STAU2: variants seen among roughly 807,000 people sequenced by gnomAD.
The protein encoded by STAU2 is double-stranded RNA-binding protein Staufen homolog 2.
Under a neutral mutation model 65.9 loss-of-function variants are expected in STAU2, and 20 were observed. That is an observed-to-expected ratio of 0.30 (90% confidence interval 0.21 to 0.44). The LOEUF is 0.44. Ranked by LOEUF, STAU2 falls within the 20% of genes least tolerant of loss-of-function variation. The probability of loss-of-function intolerance (pLI) is 1.00; values close to 1 mark genes in which losing one functional copy is unlikely to be tolerated. For synonymous variants in STAU2, 232 were observed against 233.9 expected (o/e 0.99, Z 0.07); for missense variants, 558 against 683.9 (o/e 0.82, Z 2.05).
intron 4 of STAU2, among the ~76,000 whole-genome samples, chr8:73,689,102 T>A (rs1819146340): frequency 6.6e-6 from 1 of 152,200 alleles, no homozygotes; most frequent in African/African-American, 2.4e-5. Flanking sequence ...AATGTTAATG[T>A]CATTCAAATG....
intron 6 of STAU2, among the ~76,000 whole-genome samples, chr8:73,634,597 G>T (rs1224683317): frequency 2.0e-5 from 3 of 152,168 alleles, no homozygotes; most frequent in African/African-American, 7.2e-5. Flanking sequence ...TCTTTACAAT[G>T]GCCTACAAGG....
chr8:73,492,214 A>T (rs1392456663), intron 13 of STAU2, among the ~76,000 whole-genome samples: 10 of 151,928 alleles, frequency 6.6e-5, no homozygotes, highest in Admixed American at 6.6e-4. Flanking sequence ...TATGCCATAC[A>T]AGCTACTATT....
intron 11 of STAU2, 79 bp downstream of exon 11, chr8:73,595,087 A>G (rs1212068879): frequency 1.9e-5 from 24 of 1,242,232 alleles, no homozygotes; most frequent in Non-Finnish European, 2.5e-5. Context: ...ATTTACTTTA[A>G]TATCAGTTAA....
chr8:73,632,937 G>A lies in STAU2; in HGVS notation c.411-15486C>T, dbSNP rs77241918. 7.1e-4 allele frequency among the ~76,000 whole-genome samples: 108 copies of A among 152,254 alleles called. 1 individual carries two copies. The East Asian group carries it at 0.02, about 28-fold the overall frequency. The stretch of plus-strand genomic sequence containing the variant: ...TAGACCTCATAGTTCCTCAACAAAG[G>A]GAAAAGTTTAGAGTAAATGATACGC... On this transcript the variant is annotated intron_variant, in intron 6 of 14. Coordinates refer to ENST00000524300, the MANE Select transcript of STAU2 (RefSeq NM_001164380.2).
chr8:73,713,156 A>G (rs1470998788), intron 3 of STAU2, among the ~76,000 whole-genome samples: 5 of 152,214 alleles, frequency 3.3e-5, no homozygotes, highest in African/African-American at 4.8e-5. Context: ...GATAAGAAAC[A>G]CTGGTAAAAT....
intron 6 of STAU2, among the ~76,000 whole-genome samples, chr8:73,644,952 C>T (rs1586181897): frequency 6.6e-6 from 1 of 152,058 alleles, no homozygotes; most frequent in African/African-American, 2.4e-5. Context: ...TTTAAAACTC[C>T]TAAAAAAGAA....
intron 12 of STAU2, among the ~76,000 whole-genome samples, chr8:73,580,956 T>C (rs1809934971): frequency 6.6e-6 from 1 of 152,244 alleles, no homozygotes; most frequent in Admixed American, 6.5e-5. Context: ...AACCGTCTGG[T>C]TAAGATTTAA....
intron 13 of STAU2, among the ~76,000 whole-genome samples, chr8:73,549,401 T>C (rs1336204067): frequency 1.3e-5 from 2 of 152,172 alleles, no homozygotes; most frequent in East Asian, 1.9e-4. Flanking sequence ...CTGCTGAGAA[T>C]GTGTAAGTGT....
At chr8:73,444,254 A>C (rs576917561) in intron 13 of STAU2, among the ~76,000 whole-genome samples, 1 of 152,142 alleles carries the variant, frequency 6.6e-6, no homozygotes, top group South Asian at 2.1e-4. Context: ...TAAAAATACA[A>C]AATTAGCCAG....
At chr8:73,483,986 T>A (rs371569462) in intron 13 of STAU2, among the ~76,000 whole-genome samples, 14 of 152,268 alleles carry the variant, frequency 9.2e-5, no homozygotes, top group African/African-American at 3.4e-4. Context: ...GAAGGGAGCA[T>A]TTTCACGAGG....
intron 12 of STAU2, among the ~76,000 whole-genome samples, chr8:73,580,829 T>C (rs1042499098): frequency 2.0e-5 from 3 of 152,180 alleles, no homozygotes; most frequent in Non-Finnish European, 2.9e-5. Flanking sequence ...CCAGTGTTCA[T>C]TCAAAGAACT....
At chr8:73,475,625 T>C (rs1187884925) in intron 13 of STAU2, among the ~76,000 whole-genome samples, 6 of 152,332 alleles carry the variant, frequency 3.9e-5, no homozygotes, top group Non-Finnish European at 8.8e-5. Context: ...ATTGAATTTA[T>C]TTAAGTCAAC....
intron 11 of STAU2, among the ~76,000 whole-genome samples, chr8:73,586,480 G>T (rs1377394321): frequency 1.3e-5 from 2 of 152,012 alleles, no homozygotes; most frequent in African/African-American, 2.4e-5. Flanking sequence ...ATAGTTGAGG[G>T]TGAAATCCAT....
intron 12 of STAU2, among the ~76,000 whole-genome samples, chr8:73,570,180 C>T (rs1354516033): frequency 6.6e-6 from 1 of 152,142 alleles, no homozygotes; most frequent in East Asian, 1.9e-4. Flanking sequence ...GCACAAGCTT[C>T]AGTACTGATT....
At chr8:73,637,921 G>T (rs1005863288) in intron 6 of STAU2, among the ~76,000 whole-genome samples, 1 of 151,910 alleles carries the variant, frequency 6.6e-6, no homozygotes, top group African/African-American at 2.4e-5. Flanking sequence ...CTATATGGTT[G>T]CAGGGTTTCT....
intron 11 of STAU2, among the ~76,000 whole-genome samples, chr8:73,591,279 G>T (rs531705864): frequency 2.0e-5 from 3 of 151,938 alleles, no homozygotes; most frequent in African/African-American, 7.2e-5. Flanking sequence ...TAACCTATGT[G>T]ACCACAATAG....
At chr8:73,709,623 T>C (rs1404960425) in intron 3 of STAU2, among the ~76,000 whole-genome samples, 1 of 152,022 alleles carries the variant, frequency 6.6e-6, no homozygotes, top group Non-Finnish European at 1.5e-5. Flanking sequence ...GTCCTAAGTT[T>C]AAGTACTAGC....
intron 13 of STAU2, among the ~76,000 whole-genome samples, chr8:73,426,926 A>ATT (rs34400355): frequency 0.15 from 19,092 of 129,828 alleles, 1,722 homozygotes; most frequent in African/African-American, 0.24. Context: ...ATTTTTAAAG[A>ATT]TTTTTTTTTT....
intron 13 of STAU2, chr8:73,550,030 G>A: frequency 3.0e-6 from 3 of 985,568 alleles, no homozygotes; most frequent in Non-Finnish European, 3.6e-6. Context: ...GATGGGCTAT[G>A]CATGTGGCCA....
Sources: allele counts gnomAD v4.1 joint callset (sites outside exome capture counted in the v4.1 genomes callset), GRCh38; gene constraint gnomAD v4.1.1; transcripts MANE v1.5; gene names NCBI Gene and HGNC (gene_info 2026-07-23, HGNC 2026-07-21).